The following IQSEC1 variants were observed in gnomAD, a reference collection of about 807,000 sequenced individuals.
IQSEC1 encodes IQ motif and SEC7 domain-containing protein 1.
Under a neutral mutation model 91.0 loss-of-function variants are expected in IQSEC1, and 31 were observed. The observed-to-expected ratio is 0.34, with a 90% CI of 0.26 to 0.46. IQSEC1 has a LOEUF of 0.46. Ranked by LOEUF, IQSEC1 falls within the 20% of genes least tolerant of loss-of-function variation. The pLI, the probability that IQSEC1 is intolerant of heterozygous loss-of-function variation, is 1.00. For synonymous variants in IQSEC1, 699 were observed against 662.6 expected, an observed-to-expected ratio of 1.05 and a Z score of -0.84; for missense variants, 1,388 against 1,575.6, an observed-to-expected ratio of 0.88 and a Z score of 2.02.
intron 2 of IQSEC1, among the ~76,000 whole-genome samples, chr3:13,153,333 G>C (rs3844285): frequency 0.55 from 84,099 of 152,080 alleles, 23,455 homozygotes; most frequent in Middle Eastern, 0.61. Context: ...TCCTGTGGAA[G>C]TGGACTTGGA....
At chr3:13,166,921 C>A (rs1670956510) in intron 1 of IQSEC1, among the ~76,000 whole-genome samples, 1 of 152,234 alleles carries the variant, frequency 6.6e-6, no homozygotes, top group African/African-American at 2.4e-5. Context: ...GAGCCCCTGG[C>A]ATAACATCGC....
chr3:13,151,054 C>A (rs1024627621), intron 2 of IQSEC1, among the ~76,000 whole-genome samples: 1 of 152,200 alleles, frequency 6.6e-6, no homozygotes, highest in Non-Finnish European at 1.5e-5. Flanking sequence ...AGCAGCAGGA[C>A]AGGCACAGGG....
intron 1 of IQSEC1, among the ~76,000 whole-genome samples, chr3:13,016,594 C>T (rs1414168359): frequency 1.3e-5 from 2 of 152,226 alleles, no homozygotes; most frequent in African/African-American, 4.8e-5. Flanking sequence ...CTCCTCTGTG[C>T]TCCTCCTGCA....
chr3:13,170,475 C>T (rs1331342185), intron 1 of IQSEC1, among the ~76,000 whole-genome samples: 6 of 152,188 alleles, frequency 3.9e-5, no homozygotes, highest in African/African-American at 7.2e-5. Flanking sequence ...CTCCAGACCC[C>T]AGAATGGTAG....
intron 1 of IQSEC1, among the ~76,000 whole-genome samples, chr3:13,221,265 C>T (rs1303488477): frequency 1.3e-5 from 2 of 152,192 alleles, no homozygotes; most frequent in African/African-American, 4.8e-5. Context: ...ACACAGGCTT[C>T]AGCCCGCCTG....
chr3:12,987,163 C>G (rs529874258), intron 1 of IQSEC1: 1 of 232,590 alleles, frequency 4.3e-6, no homozygotes, highest in African/African-American at 2.4e-5. Context: ...CAGCCAGACA[C>G]GTGACACTGC....
At chr3:13,102,912 G>C (rs565078544) in intron 2 of IQSEC1, among the ~76,000 whole-genome samples, 1 of 152,168 alleles carries the variant, frequency 6.6e-6, no homozygotes, top group Non-Finnish European at 1.5e-5. Flanking sequence ...CTGGGAGGTC[G>C]GAAGTTTCCA....
intron 1 of IQSEC1, among the ~76,000 whole-genome samples, chr3:13,233,640 CCTGA>C (rs1220493455): frequency 6.6e-6 from 1 of 152,242 alleles, no homozygotes; most frequent in African/African-American, 2.4e-5. Context: ...CTCCCCTCCG[CCTGA>C]CTGTCCTCAC....
chr3:13,169,290 G>T (rs191545253), intron 1 of IQSEC1, among the ~76,000 whole-genome samples: 2 of 152,216 alleles, frequency 1.3e-5, no homozygotes, highest in Non-Finnish European at 2.9e-5. Context: ...CGCCATCCAC[G>T]TAAGATGTGA....
At chr3:13,197,159 A>C (rs559260872) in intron 1 of IQSEC1, among the ~76,000 whole-genome samples, 1 of 152,322 alleles carries the variant, frequency 6.6e-6, no homozygotes, top group South Asian at 2.1e-4. Flanking sequence ...GAGCCTGAAG[A>C]CATCTGAACA....
intron 2 of IQSEC1, among the ~76,000 whole-genome samples, chr3:13,146,202 G>C (rs1706893699): frequency 6.6e-6 from 1 of 151,558 alleles, no homozygotes. Context: ...GCCCAGGCTG[G>C]TCTTGAACTC....
At chr3:13,033,236 C>T (rs1004215925) in intron 1 of IQSEC1, among the ~76,000 whole-genome samples, 7 of 152,186 alleles carry the variant, frequency 4.6e-5, no homozygotes, top group Non-Finnish European at 7.3e-5. Context: ...CGTCTCCTGA[C>T]GAGCCCGAGG....
intron 1 of IQSEC1, among the ~76,000 whole-genome samples, chr3:12,962,313 T>C (rs1180698300): frequency 6.6e-6 from 1 of 152,240 alleles, no homozygotes; most frequent in East Asian, 1.9e-4. Context: ...CTCATGATTA[T>C]ACCACCTACC....
chr3:13,118,743 A>C (rs1706375542), intron 2 of IQSEC1, among the ~76,000 whole-genome samples: 1 of 152,198 alleles, frequency 6.6e-6, no homozygotes, highest in African/African-American at 2.4e-5. Flanking sequence ...TGTTGGCTGC[A>C]AAACACTGCG....
At chr3:13,086,601 G>A (rs965847041) in intron 2 of IQSEC1, among the ~76,000 whole-genome samples, 4 of 152,130 alleles carry the variant, frequency 2.6e-5, no homozygotes, top group African/African-American at 7.2e-5. Context: ...ACTCAGAACC[G>A]AAAGCCTGGT....
chr3:13,026,540 A>G (rs1170434588), intron 1 of IQSEC1, among the ~76,000 whole-genome samples: 3 of 152,244 alleles, frequency 2.0e-5, no homozygotes, highest in African/African-American at 7.2e-5. Flanking sequence ...AAAACTGTGG[A>G]GCCTGGTGGG....
intron 2 of IQSEC1, among the ~76,000 whole-genome samples, chr3:13,098,657 G>C (rs1381682762): frequency 6.6e-6 from 1 of 152,144 alleles, no homozygotes; most frequent in Admixed American, 6.5e-5. Flanking sequence ...AAAATGGATG[G>C]CTAAAAATAA....
In IQSEC1 at chr3:12,924,021, A is replaced by G. The variant is rs762779572; in HGVS notation, c.1730+560T>C. Among the ~76,000 whole-genome samples, 27 of 152,306 alleles carry G rather than the reference A, an allele frequency of 1.8e-4. No individual in the cohort carries two copies. Among genetic ancestry groups the G allele is most frequent in the East Asian group, 1.4e-3 (7 of 5,172 alleles). ...GGTGGGGGCAGGACGCACAGCCCCA[A>G]TATCCCAGCCGGGAGAATGAGGCAG... On this transcript the variant is annotated intron_variant, in intron 4 of 13. Coordinates refer to ENST00000613206, the MANE Select transcript of IQSEC1 (RefSeq NM_001134382.3). This position sits in a 1 kb window ranked among gnomAD's most constrained non-coding sequence, Gnocchi z 6.3.
chr3:12,900,496 T>G lies in IQSEC1; in HGVS notation c.*487A>C. 1 of 816,266 alleles carries G rather than the reference T, an allele frequency of 1.2e-6. No individual in the cohort carries two copies. Among genetic ancestry groups the G allele is most frequent in the East Asian group, 1.2e-4 (1 of 8,042 alleles). The allele number at this position is 816,266 out of a possible 1,614,324, so 50.6% of individuals were successfully genotyped here. ...ATATATTTATATATTTATATAAAGTTTACTTACGTATTTTCATCAACCATA... is the reference window on the plus strand; with the variant it reads ...ATATATTTATATATTTATATAAAGTGTACTTACGTATTTTCATCAACCATA... On this transcript the variant is annotated 3_prime_UTR_variant, in exon 14 of 14. Transcript: ENST00000613206.
Sources: allele counts gnomAD v4.1 joint callset (sites outside exome capture counted in the v4.1 genomes callset), GRCh38; gene constraint gnomAD v4.1.1; non-coding constraint Gnocchi (gnomAD v3.1); transcripts MANE v1.5; gene names NCBI Gene and HGNC (gene_info 2026-07-23, HGNC 2026-07-21).